PMFBP1: variants seen among roughly 807,000 people sequenced by gnomAD.
PMFBP1 encodes polyamine-modulated factor 1-binding protein 1.
PMFBP1 carries 131 observed loss-of-function variants against 137.8 expected under a neutral mutation model. The observed-to-expected ratio is 0.95, with a 90% confidence interval of 0.82 to 1.10. PMFBP1 has a LOEUF of 1.10. Ranked by LOEUF, PMFBP1 falls within the 50% of genes least tolerant of loss-of-function variation. The pLI is 0.00. For missense variants in PMFBP1, 1,199 were observed against 1,175.4 expected (o/e 1.02, Z -0.29); for synonymous variants, 490 against 450.4 (o/e 1.09, Z -1.11).
intron 3 of PMFBP1, among the ~76,000 whole-genome samples, chr16:72,155,308 C>T (rs902368500): frequency 1.7e-4 from 26 of 152,124 alleles, no homozygotes; most frequent in Non-Finnish European, 4.4e-5. Context: ...AGCATCCAAC[C>T]CTGCTTATTA....
the PMFBP1 span, among the ~76,000 whole-genome samples, chr16:72,183,149 T>C: frequency 8.5e-5 from 13 of 152,338 alleles, no homozygotes; most frequent in African/African-American, 2.9e-4. Context: ...TATACCATGG[T>C]CACAGCTTTA....
the PMFBP1 span, among the ~76,000 whole-genome samples, chr16:72,182,571 G>A: frequency 1.3e-5 from 2 of 149,356 alleles, no homozygotes; most frequent in Non-Finnish European, 3.0e-5. Flanking sequence ...TATTTCCAAA[G>A]ATGAAAGGAG....
chr16:72,232,382 G>A, the PMFBP1 span, among the ~76,000 whole-genome samples: 1 of 152,160 alleles, frequency 6.6e-6, no homozygotes, highest in Non-Finnish European at 1.5e-5. Flanking sequence ...GACATGCATA[G>A]TCTGTGCTTA....
the PMFBP1 span, among the ~76,000 whole-genome samples, chr16:72,207,799 C>A: frequency 2.6e-5 from 4 of 151,744 alleles, no homozygotes; most frequent in Admixed American, 1.3e-4. Context: ...AAGAAATTGG[C>A]TCACATGAAT....
At chr16:72,249,942 A>AG in the PMFBP1 span, among the ~76,000 whole-genome samples, 4 of 149,240 alleles carry the variant, frequency 2.7e-5, no homozygotes, top group African/African-American at 4.9e-5. Context: ...AAAAAAAAAA[A>AG]AAGAAAGAAA....
At chr16:72,208,737 C>T in the PMFBP1 span, among the ~76,000 whole-genome samples, 9 of 152,200 alleles carry the variant, frequency 5.9e-5, no homozygotes, top group African/African-American at 9.7e-5. Flanking sequence ...TTCCTGTCAG[C>T]GTCTTGACCG....
At chr16:72,201,074 T>C in the PMFBP1 span, among the ~76,000 whole-genome samples, 1 of 152,168 alleles carries the variant, frequency 6.6e-6, no homozygotes, top group Non-Finnish European at 1.5e-5. Flanking sequence ...ACACCACCTA[T>C]AGGACAGATT....
chr16:72,172,564 A>C (rs1308759492), upstream of PMFBP1: 2 of 151,270 alleles, frequency 1.3e-5, no homozygotes, highest in Admixed American at 1.3e-4. Context: ...ATTAGCCAAA[A>C]CAAGTCACAT....
chr16:72,170,736 A>G (rs1162943687), intron 2 of PMFBP1, among the ~76,000 whole-genome samples: 1 of 152,140 alleles, frequency 6.6e-6, no homozygotes, highest in African/African-American at 2.4e-5. Flanking sequence ...CTGGCCCCAT[A>G]AACACAGTTT....
At chr16:72,184,104 G>A in the PMFBP1 span, among the ~76,000 whole-genome samples, 17 of 152,172 alleles carry the variant, frequency 1.1e-4, no homozygotes, top group African/African-American at 3.4e-4. Flanking sequence ...CTCTTCTGAC[G>A]GCTCCTTCGC....
the PMFBP1 span, among the ~76,000 whole-genome samples, chr16:72,215,877 T>C: frequency 1.3e-5 from 2 of 152,220 alleles, no homozygotes; most frequent in Non-Finnish European, 2.9e-5. Flanking sequence ...TTTTAAGATC[T>C]TTGTTTTTGT....
the PMFBP1 span, among the ~76,000 whole-genome samples, chr16:72,187,386 C>T: frequency 1.3e-5 from 2 of 152,048 alleles, no homozygotes; most frequent in Non-Finnish European, 2.9e-5. Context: ...GATGGGGAAG[C>T]TTTTTGGTCT....
At chr16:72,132,714 A>G in intron 10 of PMFBP1, 34 bp downstream of exon 10, 1 of 1,613,412 alleles carries the variant, frequency 6.2e-7, no homozygotes, top group South Asian at 1.1e-5. Context: ...CCCCACAGAA[A>G]AGTGTGGTGG....
At chr16:72,136,381 G>A (rs1023682288) in intron 9 of PMFBP1, 67 bp downstream of exon 9, 102 of 1,549,818 alleles carry the variant, frequency 6.6e-5, no homozygotes, top group Non-Finnish European at 8.1e-5. Context: ...AGGCAGAACC[G>A]GTTAATGCCA....
chr16:72,214,729 A>G, the PMFBP1 span, among the ~76,000 whole-genome samples: 1 of 152,224 alleles, frequency 6.6e-6, no homozygotes, highest in Admixed American at 6.5e-5. Context: ...CTAATTGACT[A>G]TGTGACAAAA....
chr16:72,166,289 T>A (rs917281358), intron 2 of PMFBP1, among the ~76,000 whole-genome samples: 1 of 152,130 alleles, frequency 6.6e-6, no homozygotes, highest in Admixed American at 6.5e-5. Context: ...CGAGATCTGA[T>A]AGTTTAAAAG....
intron 3 of PMFBP1, chr16:72,164,515 A>G (rs890903856): frequency 3.5e-6 from 5 of 1,411,182 alleles, no homozygotes; most frequent in Non-Finnish European, 4.8e-6. Flanking sequence ...AAGGCCAGAT[A>G]AGGAAAACAT....
chr16:72,184,918 C>G, the PMFBP1 span, among the ~76,000 whole-genome samples: 1 of 152,182 alleles, frequency 6.6e-6, no homozygotes, highest in African/African-American at 2.4e-5. Context: ...ACTAGAGATA[C>G]GATCATGTCA....
At chr16:72,160,841 A>G (rs1205431552) in intron 3 of PMFBP1, among the ~76,000 whole-genome samples, 1 of 152,180 alleles carries the variant, frequency 6.6e-6, no homozygotes, top group Non-Finnish European at 1.5e-5. Context: ...TGTGATATGT[A>G]TTCTTGGTGT....
Sources: allele counts gnomAD v4.1 joint callset (sites outside exome capture counted in the v4.1 genomes callset), GRCh38; gene constraint gnomAD v4.1.1; transcripts MANE v1.5; gene names NCBI Gene and HGNC (gene_info 2026-07-23, HGNC 2026-07-21).